Variants in KIF1B observed in about 807,000 individuals in gnomAD.
The protein encoded by KIF1B is kinesin-like protein KIF1B.
Under a neutral mutation model 241.9 loss-of-function variants are expected in KIF1B, and 76 were observed. The ratio of observed to expected loss-of-function variants is 0.31; its 90% CI spans 0.26 to 0.38. The LOEUF is 0.38. Ranked by LOEUF, KIF1B falls within the 10% of genes least tolerant of loss-of-function variation. The pLI, the probability that KIF1B is intolerant of heterozygous loss-of-function variation, is 1.00. For synonymous variants in KIF1B, 750 were observed against 796.7 expected, an observed-to-expected ratio of 0.94 and a Z score of 0.99; for missense variants, 1,622 against 2,271.4, an observed-to-expected ratio of 0.71 and a Z score of 5.81.
chr1:10,365,524 C>T lies in KIF1B; in HGVS notation c.4628C>T (p.Thr1543Ile), dbSNP rs1327974609. Residue 1543 changes from threonine (T) to isoleucine (I), a missense_variant, in exon 43 of 49, where the codon ACC becomes ATC. Physicochemically the swap from Thr to Ile is moderately conservative, Grantham distance 89. This residue lies in a region of KIF1B where 357 missense variants were observed against 409.0 expected (regional missense o/e 0.87). Transcript: ENST00000676179. This position sits in a 1 kb window ranked among gnomAD's most constrained non-coding sequence, Gnocchi z 4.0. Reference sequence around the variant, plus strand: ...AGCAGTGGGACCCTCAGCACCTCCACCAGTATCTCCTCTCAGATCTCAACC... The same window carrying T: ...AGCAGTGGGACCCTCAGCACCTCCATCAGTATCTCCTCTCAGATCTCAACC... ...SLSSGTLSTS[T>I]SISSQISTTT... is the part of the protein sequence containing the mutation. 6.2e-7 allele frequency: 1 copy of T among 1,614,160 alleles called. No homozygotes were observed. The highest frequency in any genetic ancestry group is 1.1e-5 in the South Asian group (1 of 91,080).
intron 27 of KIF1B, among the ~76,000 whole-genome samples, chr1:10,328,615 G>C (rs1368733666): frequency 6.6e-6 from 1 of 152,192 alleles, no homozygotes; most frequent in East Asian, 1.9e-4. Flanking sequence ...AAGGGAGTTG[G>C]AAGTTAAAAC....
intron 45 of KIF1B, among the ~76,000 whole-genome samples, chr1:10,372,661 GAGCTGT>G (rs1203428431): frequency 2.5e-5 from 3 of 120,528 alleles, no homozygotes; most frequent in Non-Finnish European, 3.4e-5. Context: ...TTGGGTGACA[GAGCTGT>G]CACCCAAGCT....
Position 10,368,486 on chromosome 1 carries a change from A to G in KIF1B, c.4772A>G (p.His1591Arg), listed in dbSNP as rs1345159650. Residue 1591 changes from histidine to arginine, a missense_variant, in exon 44 of 49, where the codon CAC (histidine) becomes CGC (arginine). His to Arg is a conservative substitution (Grantham distance 29, BLOSUM62 0). Transcript: ENST00000676179. ...LATKCLQLLT[H>R]TFNREFSQVH... The stretch of plus-strand genomic sequence containing the variant: ...CTTTAGTGCCTGCAACTTCTCACCC[A>G]CACTTTCAACAGAGAATTCAGCCAG... The G allele has an allele frequency of 6.2e-7, 1 of 1,613,854 alleles. No individual in the cohort carries two copies. The highest frequency in any genetic ancestry group is 8.5e-7 in the Non-Finnish European group (1 of 1,179,882).
chr1:10,252,670 C>A (rs765597112), intron 2 of KIF1B, among the ~76,000 whole-genome samples: 1 of 152,020 alleles, frequency 6.6e-6, no homozygotes, highest in East Asian at 1.9e-4. Context: ...CCTGAGCTTC[C>A]CAAAGTGCTG....
intron 32 of KIF1B, 117 bp downstream of exon 32, chr1:10,339,976 CA>C: frequency 2.4e-6 from 2 of 850,938 alleles, no homozygotes; most frequent in Non-Finnish European, 3.9e-6. Context: ...GGAGAGTAGA[CA>C]ATAGAGGGCG....
intron 4 of KIF1B, among the ~76,000 whole-genome samples, chr1:10,259,504 A>T (rs61247079): frequency 0.19 from 26,621 of 137,224 alleles, 2,944 homozygotes; most frequent in Non-Finnish European, 0.26. Flanking sequence ...AAAAAAAAAA[A>T]ATTTTTTTTT....
At chr1:10,213,463 T>C (rs1223643369) in intron 1 of KIF1B, among the ~76,000 whole-genome samples, 1 of 152,182 alleles carries the variant, frequency 6.6e-6, no homozygotes, top group Non-Finnish European at 1.5e-5. Flanking sequence ...ACGGAGTCTT[T>C]CTTAAGGCCA....
intron 8 of KIF1B, among the ~76,000 whole-genome samples, chr1:10,271,941 A>G (rs1175010555): frequency 6.6e-6 from 1 of 152,232 alleles, no homozygotes; most frequent in Admixed American, 6.5e-5. Context: ...AATAGGATAT[A>G]CAAGATTCAG....
intron 27 of KIF1B, among the ~76,000 whole-genome samples, chr1:10,327,635 C>G (rs1651774161): frequency 6.6e-6 from 1 of 152,146 alleles, no homozygotes; most frequent in Non-Finnish European, 1.5e-5. Flanking sequence ...GCAGAACTCT[C>G]TATGCACATG....
chr1:10,236,460 A>C (rs12069853), intron 2 of KIF1B, among the ~76,000 whole-genome samples: 9,112 of 152,262 alleles, frequency 0.06, 496 homozygotes, highest in African/African-American at 0.15. Context: ...GTAATTTGTG[A>C]CTTTTAAATT....
At chr1:10,342,426 T>C (rs1009792046) in intron 33 of KIF1B, among the ~76,000 whole-genome samples, 6 of 152,146 alleles carry the variant, frequency 3.9e-5, no homozygotes, top group East Asian at 1.9e-4. Context: ...GGTAGAAATT[T>C]GAGGTAATAG....
intron 1 of KIF1B, among the ~76,000 whole-genome samples, chr1:10,224,899 C>T (rs563100794): frequency 6.6e-6 from 1 of 152,302 alleles, no homozygotes; most frequent in East Asian, 1.9e-4. Context: ...GGTTTTTCCA[C>T]AGACAGGGTT....
intron 1 of KIF1B, among the ~76,000 whole-genome samples, chr1:10,222,911 A>AT (rs956501993): frequency 5.3e-5 from 8 of 152,128 alleles, no homozygotes; most frequent in South Asian, 2.1e-4. Context: ...TGGAAGATGT[A>AT]TTTTTTTGCT....
chr1:10,339,003 T>C (rs530970981), intron 31 of KIF1B, among the ~76,000 whole-genome samples: 1 of 152,252 alleles, frequency 6.6e-6, no homozygotes, highest in Admixed American at 6.5e-5. Context: ...GGTGTCCTTC[T>C]GATGGATTTT....
At chr1:10,240,104 G>A (rs534148297) in intron 2 of KIF1B, among the ~76,000 whole-genome samples, 27 of 152,172 alleles carry the variant, frequency 1.8e-4, no homozygotes, top group African/African-American at 5.3e-4. Context: ...GGGTTTCCCC[G>A]TATTGGCCAG....
intron 22 of KIF1B, among the ~76,000 whole-genome samples, chr1:10,317,080 T>C (rs969784589): frequency 4.0e-5 from 6 of 151,274 alleles, no homozygotes; most frequent in Non-Finnish European, 7.4e-5. Flanking sequence ...ATAATTTAAC[T>C]TTCTCAGAAT....
chr1:10,339,676 T>G (rs1652314603), intron 31 of KIF1B, 93 bp from the exon 32 acceptor site: 1 of 1,055,752 alleles, frequency 9.5e-7, no homozygotes, highest in Non-Finnish European at 1.4e-6. Context: ...GTGGAATGCT[T>G]CTTTCTGTAG....
At chr1:10,249,327 CTTTT>C (rs139432590) in intron 2 of KIF1B, among the ~76,000 whole-genome samples, 1 of 149,314 alleles carries the variant, frequency 6.7e-6, no homozygotes. Flanking sequence ...GTACAATCCT[CTTTT>C]TTTTTTCTGT....
chr1:10,272,858 TA>T (rs1648878709), intron 9 of KIF1B, among the ~76,000 whole-genome samples, 155 bp from the exon 10 acceptor site: 1 of 152,192 alleles, frequency 6.6e-6, no homozygotes, highest in Non-Finnish European at 1.5e-5. Context: ...TAGTTTAGTT[TA>T]AAACCTCTTT....
Sources: allele counts gnomAD v4.1 joint callset (sites outside exome capture counted in the v4.1 genomes callset), GRCh38; gene constraint gnomAD v4.1.1; regional missense constraint gnomAD v4.1.1; non-coding constraint Gnocchi (gnomAD v3.1); transcripts MANE v1.5; gene names NCBI Gene and HGNC (gene_info 2026-07-23, HGNC 2026-07-21).